ACSM2A: variants seen among roughly 807,000 people sequenced by gnomAD.
ACSM2A encodes acyl-CoA synthetase medium chain family member 2A, also known as acyl-coenzyme A synthetase ACSM2A, mitochondrial.
ACSM2A carries 72 observed loss-of-function variants against 76.6 expected under a neutral mutation model. The observed-to-expected ratio is 0.94, with a 90% CI of 0.78 to 1.14. The LOEUF is 1.14. Among genes scored for constraint, ACSM2A ranks in the 50% most tolerant of loss-of-function variants. The probability of loss-of-function intolerance (pLI) is 0.00; values close to 1 mark genes in which losing one functional copy is unlikely to be tolerated. For missense variants in ACSM2A, 684 were observed against 708.5 expected, an observed-to-expected ratio of 0.97 and a Z score of 0.39; for synonymous variants, 249 against 255.9, an observed-to-expected ratio of 0.97 and a Z score of 0.26.
At chr16:20,474,127 C>T in intron 6 of ACSM2A, 1 of 422,534 alleles carries the variant, frequency 2.4e-6, no homozygotes, top group Non-Finnish European at 4.6e-6. Flanking sequence ...CAAGGTGCAC[C>T]CTGACCAATT....
intron 2 of ACSM2A, among the ~76,000 whole-genome samples, chr16:20,462,922 A>G (rs545250171): frequency 1.3e-5 from 2 of 152,172 alleles, no homozygotes; most frequent in East Asian, 3.9e-4. Context: ...AAACAGCCCA[A>G]ATATCTATCA....
chr16:20,457,098 G>A (rs1231330207), intron 1 of ACSM2A, among the ~76,000 whole-genome samples: 9 of 151,872 alleles, frequency 5.9e-5, no homozygotes, highest in Non-Finnish European at 1.0e-4. Flanking sequence ...CCTAGCTTAA[G>A]TCAGGAAGAA....
At chr16:20,474,585 GAAAAC>G (rs1360363301) in intron 6 of ACSM2A, among the ~76,000 whole-genome samples, 1 of 152,146 alleles carries the variant, frequency 6.6e-6, no homozygotes, top group African/African-American at 2.4e-5. Flanking sequence ...TACAGCAAAA[GAAAAC>G]AGATTAAGAC....
At chr16:20,471,751 T>C (rs569852638) in intron 6 of ACSM2A, 62 bp downstream of exon 6, 440 of 1,558,208 alleles carry the variant, frequency 2.8e-4, no homozygotes, top group Non-Finnish European at 3.7e-4. Context: ...CACACTTCAA[T>C]TTATTGTAGT....
chr16:20,480,789 C>A (rs371499978), intron 11 of ACSM2A, 33 bp from the exon 12 acceptor site: 2 of 1,613,766 alleles, frequency 1.2e-6, no homozygotes, highest in South Asian at 2.2e-5. Context: ...GGTTCGGTGT[C>A]CAGTGTTCTC....
intron 1 of ACSM2A, among the ~76,000 whole-genome samples, chr16:20,454,386 C>CT (rs1485016986): frequency 6.6e-6 from 1 of 151,962 alleles, no homozygotes; most frequent in African/African-American, 2.4e-5. Context: ...CTCCAATGAA[C>CT]TTTTTTTGCC....
intron 10 of ACSM2A, among the ~76,000 whole-genome samples, chr16:20,479,138 C>T (rs1211928800): frequency 6.6e-6 from 1 of 152,058 alleles, no homozygotes; most frequent in Non-Finnish European, 1.5e-5. Flanking sequence ...GACAGATAAT[C>T]CTTGAATCTG....
intron 4 of ACSM2A, chr16:20,470,689 A>T (rs1387835310): frequency 2.9e-5 from 12 of 416,196 alleles, no homozygotes; most frequent in South Asian, 1.3e-4. Flanking sequence ...CCTCCTGTCC[A>T]CTTGGTGTCA....
intron 9 of ACSM2A, 79 bp from the exon 10 acceptor site, chr16:20,478,497 C>T: frequency 6.6e-7 from 1 of 1,522,800 alleles, no homozygotes; most frequent in Non-Finnish European, 8.9e-7. Flanking sequence ...TTTCATTTGA[C>T]CAATTCAGCA....
chr16:20,467,896 C>G (rs1048436739), intron 3 of ACSM2A, among the ~76,000 whole-genome samples: 2 of 152,018 alleles, frequency 1.3e-5, no homozygotes, highest in Admixed American at 1.3e-4. Flanking sequence ...CCAGCAACCT[C>G]CTTCACAAAC....
At chr16:20,469,740 G>A (rs553181152) in intron 4 of ACSM2A, 21 bp downstream of exon 4, 12 of 1,613,280 alleles carry the variant, frequency 7.4e-6, no homozygotes, top group Admixed American at 3.3e-5. Flanking sequence ...ACATGTCTCA[G>A]CCTGGGTTTT....
intron 2 of ACSM2A, among the ~76,000 whole-genome samples, chr16:20,463,235 A>T (rs1440126184): frequency 6.6e-6 from 1 of 152,146 alleles, no homozygotes; most frequent in African/African-American, 2.4e-5. Flanking sequence ...GTATAATAAT[A>T]AAAAAAGAAA....
intron 3 of ACSM2A, among the ~76,000 whole-genome samples, chr16:20,468,309 A>G (rs1280185959): frequency 4.6e-5 from 7 of 152,220 alleles, no homozygotes; most frequent in Non-Finnish European, 1.0e-4. Context: ...TTAACAGGAC[A>G]GGCATGTGGT....
At chr16:20,476,785 C>A (rs12598584) in intron 8 of ACSM2A, 209,339 of 928,506 alleles carry the variant, frequency 0.23, 25,830 homozygotes, top group East Asian at 0.57. Flanking sequence ...GAGGCATCCA[C>A]CACTCATTTG....
At chr16:20,478,943 C>A (rs1487294476) in intron 10 of ACSM2A, among the ~76,000 whole-genome samples, 1 of 152,164 alleles carries the variant, frequency 6.6e-6, no homozygotes, top group Admixed American at 6.5e-5. Flanking sequence ...GTTTCATGCC[C>A]AAAATATTAT....
chr16:20,481,833 C>A (rs2014103062), intron 12 of ACSM2A: 2 of 122,894 alleles, frequency 1.6e-5, no homozygotes, highest in Non-Finnish European at 1.8e-5. Context: ...TCACTTGTAC[C>A]CAATACATAT....
At chr16:20,457,997 C>G (rs1030246689) in intron 1 of ACSM2A, among the ~76,000 whole-genome samples, 1 of 151,830 alleles carries the variant, frequency 6.6e-6, no homozygotes, top group African/African-American at 2.4e-5. Flanking sequence ...TGTACAAAAA[C>G]CAGTAGCTCT....
intron 13 of ACSM2A, among the ~76,000 whole-genome samples, chr16:20,486,251 T>A (rs4783531): frequency 3.3e-5 from 5 of 152,064 alleles, no homozygotes; most frequent in Non-Finnish European, 5.9e-5. Context: ...AGGACCTGGC[T>A]AAAGCCAGAT....
intron 4 of ACSM2A, among the ~76,000 whole-genome samples, chr16:20,470,421 T>C (rs1226449231): frequency 6.6e-6 from 1 of 152,190 alleles, no homozygotes; most frequent in African/African-American, 2.4e-5. Flanking sequence ...ACTGGCTGGA[T>C]TAATGATTTT....
Sources: allele counts gnomAD v4.1 joint callset (sites outside exome capture counted in the v4.1 genomes callset), GRCh38; gene constraint gnomAD v4.1.1; transcripts MANE v1.5; gene names NCBI Gene and HGNC (gene_info 2026-07-23, HGNC 2026-07-21).